CTNNA3: variants seen among roughly 807,000 people sequenced by gnomAD.
The protein encoded by CTNNA3 is catenin alpha-3.
A neutral mutation model predicts 95.7 loss-of-function variants in CTNNA3; 76 were observed. The ratio of observed to expected loss-of-function variants is 0.79; its 90% CI spans 0.66 to 0.96. CTNNA3 has a LOEUF of 0.96. Among genes scored for constraint, CTNNA3 ranks in the 40% least tolerant of loss-of-function variants. CTNNA3 has a pLI of 0.00. For missense variants in CTNNA3, 1,191 were observed against 1,089.8 expected (o/e 1.09, Z -1.31); for synonymous variants, 431 against 374.4 (o/e 1.15, Z -1.74).
chr10:66,247,796 A>C (rs2090396815), intron 13 of CTNNA3, among the ~76,000 whole-genome samples: 1 of 152,176 alleles, frequency 6.6e-6, no homozygotes, highest in Non-Finnish European at 1.5e-5. Flanking sequence ...AGACAAACAA[A>C]AGCTGAGGAA....
chr10:66,888,357 T>G (rs1005349457), intron 7 of CTNNA3, among the ~76,000 whole-genome samples: 3 of 152,188 alleles, frequency 2.0e-5, no homozygotes, highest in African/African-American at 7.2e-5. Flanking sequence ...AAGCCAGCCC[T>G]CCTGACACAT....
rs1028296535 is a variant in CTNNA3, at chr10:66,473,762, G to A, written c.1531+46855C>T. On this transcript the variant is annotated intron_variant, in intron 11 of 17. Coordinates refer to ENST00000433211, the MANE Select transcript of CTNNA3 (RefSeq NM_013266.4). ...TTCCCATCTATGAGTGAGAACATGC[G>A]GTGTTTGGTTTTTTGTCCTTGTGAT... 9.2e-5 allele frequency among the ~76,000 whole-genome samples: 14 copies of A among 151,938 alleles called. No individual in the cohort carries two copies. The South Asian group carries it at 1.0e-3, about 11-fold the overall frequency.
intron 5 of CTNNA3, among the ~76,000 whole-genome samples, chr10:67,349,350 T>C (rs1259051684): frequency 6.6e-6 from 1 of 152,146 alleles, no homozygotes; most frequent in Non-Finnish European, 1.5e-5. Context: ...TGTATCTATA[T>C]ACAATGGAAT....
intron 7 of CTNNA3, among the ~76,000 whole-genome samples, chr10:67,008,054 A>G (rs1313315689): frequency 6.6e-6 from 1 of 151,978 alleles, no homozygotes; most frequent in Non-Finnish European, 1.5e-5. Flanking sequence ...TGAATTTACT[A>G]AAAAATGAGA....
chr10:66,115,885 G>T (rs1170717640), intron 13 of CTNNA3, among the ~76,000 whole-genome samples: 2 of 152,072 alleles, frequency 1.3e-5, no homozygotes, highest in East Asian at 1.9e-4. Context: ...CTGTAGGGGG[G>T]TGTTGCTCCA....
At chr10:66,664,726 C>T (rs972255121) in intron 9 of CTNNA3, among the ~76,000 whole-genome samples, 2 of 151,750 alleles carry the variant, frequency 1.3e-5, no homozygotes, top group Non-Finnish European at 2.9e-5. Context: ...AAGAAAAATC[C>T]CATGGGAAAA....
At chr10:67,345,584 C>A (rs1369378812) in intron 5 of CTNNA3, among the ~76,000 whole-genome samples, 1 of 152,028 alleles carries the variant, frequency 6.6e-6, no homozygotes, top group African/African-American at 2.4e-5. Context: ...TAGTGACTTT[C>A]TTTGTCTCTT....
At chr10:66,168,228 C>T (rs1334189624) in intron 13 of CTNNA3, among the ~76,000 whole-genome samples, 2 of 152,128 alleles carry the variant, frequency 1.3e-5, no homozygotes, top group Non-Finnish European at 2.9e-5. Context: ...AATGGAAACT[C>T]CCCATACCAT....
intron 13 of CTNNA3, among the ~76,000 whole-genome samples, chr10:66,159,733 T>C (rs1356858377): frequency 1.3e-5 from 2 of 151,050 alleles, no homozygotes; most frequent in Non-Finnish European, 1.5e-5. Context: ...GTCTTGTGAA[T>C]TAGTGTCAAA....
chr10:65,924,870 T>C (rs1365769873), intron 17 of CTNNA3, among the ~76,000 whole-genome samples: 1 of 152,188 alleles, frequency 6.6e-6, no homozygotes, highest in African/African-American at 2.4e-5. Context: ...TCTTACATGG[T>C]GGCAGGCAAG....
intron 9 of CTNNA3, among the ~76,000 whole-genome samples, chr10:66,716,430 T>C (rs774665675): frequency 4.6e-5 from 7 of 152,176 alleles, no homozygotes; most frequent in Admixed American, 2.0e-4. Flanking sequence ...ATCTCTCATA[T>C]TGACAGCAGT....
At chr10:67,316,397 A>T (rs1421750992) in intron 5 of CTNNA3, among the ~76,000 whole-genome samples, 1 of 152,132 alleles carries the variant, frequency 6.6e-6, no homozygotes, top group Non-Finnish European at 1.5e-5. Context: ...AAGCTATTAA[A>T]TTTTTTGTCA....
At chr10:67,436,678 T>C (rs911559984) in intron 5 of CTNNA3, among the ~76,000 whole-genome samples, 1 of 151,894 alleles carries the variant, frequency 6.6e-6, no homozygotes, top group Admixed American at 6.6e-5. Context: ...GAAAAGACAA[T>C]TCTCAAAAGA....
At position 66,041,154 on chromosome 10, in the gene CTNNA3, C is replaced by T. The variant is rs182806304; in HGVS notation, c.2159+28154G>A. 1.2e-3 allele frequency among the ~76,000 whole-genome samples: 190 copies of T among 152,184 alleles called. 3 individuals are homozygous for T. The highest frequency in any genetic ancestry group is 0.012 in the Admixed American group (188 of 15,286). ...TAGCATGCCTGCCAAAAATGCATAA[C>T]TTCAATCCAATAATGAGAAAACATC... On this transcript the variant is annotated intron_variant, in intron 15 of 17. Coordinates refer to ENST00000433211, the MANE Select transcript of CTNNA3 (RefSeq NM_013266.4).
chr10:67,752,447 T>C (rs889973195), intron 1 of CTNNA3, among the ~76,000 whole-genome samples: 1 of 152,052 alleles, frequency 6.6e-6, no homozygotes, highest in Non-Finnish European at 1.5e-5. Context: ...TTCTCACCAC[T>C]CCTATTCAAC....
chr10:66,477,975 C>T (rs932589818), intron 11 of CTNNA3, among the ~76,000 whole-genome samples: 1 of 152,042 alleles, frequency 6.6e-6, no homozygotes, highest in African/African-American at 2.4e-5. Context: ...TCAGACACTG[C>T]TTCTAAGTTC....
intron 7 of CTNNA3, among the ~76,000 whole-genome samples, chr10:66,967,318 A>T (rs190488456): frequency 1.6e-3 from 240 of 150,492 alleles, no homozygotes; most frequent in Non-Finnish European, 3.0e-3. Context: ...AGATAGATAT[A>T]GATATGGATA....
intron 7 of CTNNA3, among the ~76,000 whole-genome samples, chr10:67,089,157 C>G (rs139464699): frequency 6.6e-6 from 1 of 151,882 alleles, no homozygotes; most frequent in Non-Finnish European, 1.5e-5. Context: ...TAGAGCCAAT[C>G]CCCCATGGAT....
chr10:67,002,954 G>A (rs533749688), intron 7 of CTNNA3, among the ~76,000 whole-genome samples: 35 of 152,142 alleles, frequency 2.3e-4, no homozygotes, highest in East Asian at 9.7e-4. Flanking sequence ...TATACTCTTC[G>A]TAAGACTTGT....
Sources: allele counts gnomAD v4.1 joint callset (sites outside exome capture counted in the v4.1 genomes callset), GRCh38; gene constraint gnomAD v4.1.1; transcripts MANE v1.5; gene names NCBI Gene and HGNC (gene_info 2026-07-23, HGNC 2026-07-21).